The following NRXN3 variants were observed in gnomAD, a reference collection of about 807,000 sequenced individuals.
NRXN3 encodes neurexin III.
In NRXN3, 32 loss-of-function variants were observed where a neutral mutation model predicts 137.6. The ratio of observed to expected loss-of-function variants is 0.23; its 90% CI spans 0.18 to 0.31. The LOEUF (loss-of-function observed/expected upper bound fraction) is 0.31. Among genes scored for constraint, NRXN3 ranks in the 10% least tolerant of loss-of-function variants. NRXN3 has a pLI of 1.00. For synonymous variants in NRXN3, 798 were observed against 784.5 expected (o/e 1.02, Z -0.29); for missense variants, 1,574 against 2,062.5 (o/e 0.76, Z 4.59).
At chr14:79,324,019 C>T (rs191903667) in intron 15 of NRXN3, among the ~76,000 whole-genome samples, 42 of 152,250 alleles carry the variant, frequency 2.8e-4, no homozygotes, top group African/African-American at 9.1e-4. Flanking sequence ...ATTTGTTAAG[C>T]ACGAAGAGTG....
intron 15 of NRXN3, among the ~76,000 whole-genome samples, chr14:79,370,705 T>C (rs959350011): frequency 1.1e-4 from 17 of 152,158 alleles, no homozygotes; most frequent in Non-Finnish European, 4.4e-5. Flanking sequence ...TGACTGAGCT[T>C]GGGACTACCT....
intron 20 of NRXN3, among the ~76,000 whole-genome samples, chr14:79,808,944 A>G (rs2099221504): frequency 6.6e-6 from 1 of 152,184 alleles, no homozygotes; most frequent in Non-Finnish European, 1.5e-5. Flanking sequence ...ATTTAGGAAC[A>G]AGGTAAATAT....
chr14:78,392,047 T>C (rs2090852789), intron 4 of NRXN3, among the ~76,000 whole-genome samples: 1 of 151,990 alleles, frequency 6.6e-6, no homozygotes, highest in Non-Finnish European at 1.5e-5. Flanking sequence ...AAAACGTGAC[T>C]ATAAACAAGG....
At chr14:78,282,316 T>C (rs371224377) in intron 3 of NRXN3, 2 of 384,288 alleles carry the variant, frequency 5.2e-6, no homozygotes, top group South Asian at 3.8e-5. Flanking sequence ...GGAAGAGTAG[T>C]GGGTTAGAGC....
chr14:79,316,306 C>A (rs1353247898), intron 15 of NRXN3, among the ~76,000 whole-genome samples: 1 of 152,122 alleles, frequency 6.6e-6, no homozygotes, highest in African/African-American at 2.4e-5. Context: ...GTACTTAGAA[C>A]AGGGATTTCA....
chr14:78,201,580 T>C (rs911450528), intron 1 of NRXN3, among the ~76,000 whole-genome samples: 2 of 152,184 alleles, frequency 1.3e-5, no homozygotes, highest in South Asian at 4.1e-4. Flanking sequence ...GGAGCCTGCA[T>C]CGAGGACTGG....
At chr14:78,618,437 G>T (rs2097367623) in intron 4 of NRXN3, among the ~76,000 whole-genome samples, 1 of 152,162 alleles carries the variant, frequency 6.6e-6, no homozygotes, top group South Asian at 2.1e-4. Context: ...CAATGCTAAG[G>T]CAGTGAGCAC....
At chr14:79,797,695 T>C (rs1048184710) in intron 19 of NRXN3, among the ~76,000 whole-genome samples, 3 of 152,140 alleles carry the variant, frequency 2.0e-5, no homozygotes, top group African/African-American at 7.2e-5. Context: ...GTTGTTTCTG[T>C]ATTGGGCTTA....
chr14:79,288,166 C>A (rs998847622), intron 15 of NRXN3, among the ~76,000 whole-genome samples: 1 of 152,220 alleles, frequency 6.6e-6, no homozygotes, highest in Non-Finnish European at 1.5e-5. Flanking sequence ...CAGACAGAAG[C>A]AGCATAATGT....
chr14:79,506,113 T>C (rs1184627746), intron 16 of NRXN3, among the ~76,000 whole-genome samples: 3 of 152,194 alleles, frequency 2.0e-5, no homozygotes, highest in Admixed American at 2.0e-4. Flanking sequence ...AGCCAGATGG[T>C]CTTATATAAT....
intron 15 of NRXN3, among the ~76,000 whole-genome samples, chr14:79,172,013 C>A (rs2061831814): frequency 6.6e-6 from 1 of 152,064 alleles, no homozygotes; most frequent in Non-Finnish European, 1.5e-5. Flanking sequence ...AAACAAGACA[C>A]ATTTTAGATA....
At chr14:78,504,048 C>T (rs908051283) in intron 4 of NRXN3, among the ~76,000 whole-genome samples, 1 of 152,172 alleles carries the variant, frequency 6.6e-6, no homozygotes, top group Non-Finnish European at 1.5e-5. Context: ...CAGGATTTCT[C>T]ACTGCCTTTA....
chr14:79,420,345 T>G (rs2095557808), intron 15 of NRXN3, among the ~76,000 whole-genome samples: 1 of 152,278 alleles, frequency 6.6e-6, no homozygotes, highest in Admixed American at 6.5e-5. Flanking sequence ...CTTAACCCAT[T>G]TATGCTGGAG....
chr14:78,281,723 C>T (rs1449654716), intron 3 of NRXN3, among the ~76,000 whole-genome samples: 1 of 152,170 alleles, frequency 6.6e-6, no homozygotes, highest in East Asian at 1.9e-4. Context: ...TCAGCTCCTC[C>T]AGGTTGATGT....
chr14:78,901,306 T>C (rs76749799), intron 10 of NRXN3, among the ~76,000 whole-genome samples: 1,610 of 152,116 alleles, frequency 0.011, 19 homozygotes, highest in Middle Eastern at 0.02. Flanking sequence ...TTCTTTCTTT[T>C]TTCTCTATCA....
intron 6 of NRXN3, among the ~76,000 whole-genome samples, chr14:78,669,186 G>C (rs1043339838): frequency 1.3e-5 from 2 of 152,166 alleles, no homozygotes; most frequent in African/African-American, 4.8e-5. Context: ...AATAGCGTCA[G>C]TAAAGTCACA....
At chr14:78,905,243 TATC>T (rs2152757598) in intron 10 of NRXN3, among the ~76,000 whole-genome samples, 1 of 152,174 alleles carries the variant, frequency 6.6e-6, no homozygotes, top group East Asian at 1.9e-4. Context: ...TACACAAAAA[TATC>T]ATATTCTTAA....
chr14:79,442,188 A>T (rs1225916836), intron 15 of NRXN3, among the ~76,000 whole-genome samples: 1 of 152,232 alleles, frequency 6.6e-6, no homozygotes, highest in Non-Finnish European at 1.5e-5. Flanking sequence ...TGTAATACAG[A>T]GTACTTATGA....
In NRXN3 at chr14:79,810,270, C is replaced by T. The variant is rs114346089; in HGVS notation, c.4093+5080C>T. Among the ~76,000 whole-genome samples, 719 of 152,184 alleles carry T rather than the reference C, an allele frequency of 4.7e-3. 5 individuals are homozygous for T. Among genetic ancestry groups the T allele is most frequent in the African/African-American group, 0.016 (669 of 41,534 alleles). ...ACTTAACCACATTGATTCATCCAGT[C>T]GTTATCCAGGGGTATATTTTTCAGT... On this transcript the variant is annotated intron_variant, in intron 20 of 20. Transcript: ENST00000335750.
Sources: gnomAD v4.1 joint callset for allele counts (sites outside exome capture counted in the v4.1 genomes callset) on GRCh38, gnomAD v4.1.1 for gene constraint, MANE v1.5 for transcripts, NCBI Gene and HGNC (gene_info 2026-07-23, HGNC 2026-07-21) for gene names.